MIPOL1: variants seen among roughly 807,000 people sequenced by gnomAD.
MIPOL1 encodes mirror-image polydactyly 1.
MIPOL1 carries 57 observed loss-of-function variants against 60.9 expected under a neutral mutation model. The observed-to-expected ratio is 0.94, with a 90% CI of 0.76 to 1.17. The LOEUF (loss-of-function observed/expected upper bound fraction) is 1.17, where lower values mean the gene tolerates loss of function less well. MIPOL1 is among the 50% of genes most tolerant of loss of function. The pLI is 0.00. For missense variants in MIPOL1, 551 were observed against 511.6 expected, an observed-to-expected ratio of 1.08 and a Z score of -0.74; for synonymous variants, 179 against 168.8, an observed-to-expected ratio of 1.06 and a Z score of -0.47.
intron 7 of MIPOL1, among the ~76,000 whole-genome samples, chr14:37,305,319 C>G (rs1366095892): frequency 1.3e-5 from 2 of 151,738 alleles, no homozygotes; most frequent in African/African-American, 4.8e-5. Context: ...CATCAAAGAT[C>G]TAGTCTCATT....
At chr14:37,342,638 C>T (rs1473684829) in intron 9 of MIPOL1, among the ~76,000 whole-genome samples, 1 of 151,912 alleles carries the variant, frequency 6.6e-6, no homozygotes, top group Non-Finnish European at 1.5e-5. Flanking sequence ...CCTGGTGATC[C>T]ACCCTCCTCA....
chr14:37,475,190 C>T (rs370443261), intron 11 of MIPOL1, among the ~76,000 whole-genome samples: 11 of 152,046 alleles, frequency 7.2e-5, no homozygotes, highest in East Asian at 3.9e-4. Flanking sequence ...GTCTTGAACT[C>T]CTGACCTCAA....
intron 9 of MIPOL1, among the ~76,000 whole-genome samples, chr14:37,323,599 CAA>C: frequency 6.6e-6 from 1 of 152,104 alleles, no homozygotes; most frequent in East Asian, 1.9e-4. Context: ...TATTTGCTCA[CAA>C]TTTTGATTTC....
At chr14:37,281,465 C>G (rs1053814321) in intron 6 of MIPOL1, among the ~76,000 whole-genome samples, 2 of 152,074 alleles carry the variant, frequency 1.3e-5, no homozygotes, top group African/African-American at 4.8e-5. Context: ...AATACAGTGG[C>G]ACGATCTCAG....
intron 11 of MIPOL1, among the ~76,000 whole-genome samples, chr14:37,470,024 G>T (rs575578735): frequency 2.1e-4 from 32 of 152,144 alleles, no homozygotes; most frequent in Non-Finnish European, 4.4e-4. Flanking sequence ...TAGATTGTGA[G>T]GTGAGAGATA....
intron 12 of MIPOL1, among the ~76,000 whole-genome samples, chr14:37,522,425 A>G (rs915811934): frequency 6.6e-6 from 1 of 152,186 alleles, no homozygotes; most frequent in African/African-American, 2.4e-5. Flanking sequence ...GTGTTAGTGG[A>G]CTTACTAAAT....
intron 10 of MIPOL1, among the ~76,000 whole-genome samples, chr14:37,390,857 A>AGTT (rs1252556064): frequency 6.6e-6 from 1 of 152,020 alleles, no homozygotes; most frequent in Non-Finnish European, 1.5e-5. Context: ...GACAAGCAGA[A>AGTT]GTTGACAAGA....
intron 11 of MIPOL1, among the ~76,000 whole-genome samples, chr14:37,464,323 G>A (rs1311719900): frequency 6.6e-6 from 1 of 152,136 alleles, no homozygotes; most frequent in East Asian, 1.9e-4. Context: ...GCCGTGGACT[G>A]AACCTAAGTG....
chr14:37,530,308 C>T (rs1163889503), intron 12 of MIPOL1, among the ~76,000 whole-genome samples: 1 of 152,092 alleles, frequency 6.6e-6, no homozygotes, highest in South Asian at 2.1e-4. Context: ...TTTTGTGTAA[C>T]CCTAACTTAT....
intron 7 of MIPOL1, among the ~76,000 whole-genome samples, chr14:37,288,863 G>GT (rs1464186446): frequency 3.3e-5 from 5 of 151,824 alleles, no homozygotes; most frequent in Non-Finnish European, 5.9e-5. Flanking sequence ...TTGCAGTCTC[G>GT]TTTTCATTCT....
chr14:37,421,248 C>T lies in MIPOL1; in HGVS notation c.937-1607C>T, dbSNP rs867268550. Among the ~76,000 whole-genome samples, 14 of 152,156 alleles carry T rather than the reference C, an allele frequency of 9.2e-5. No individual in the cohort carries two copies. In the Middle Eastern group the frequency reaches 0.014, roughly 148 times the overall value. ...GGTTTTGTTTTCTGTGCACAGGTAC[C>T]AAGTAAAAGACTTCAAAACAATCAT... On this transcript the variant is annotated intron_variant, in intron 10 of 12. Coordinates refer to ENST00000684589, the MANE Select transcript of MIPOL1 (RefSeq NM_001388067.1).
intron 1 of MIPOL1, among the ~76,000 whole-genome samples, chr14:37,227,345 T>C (rs1969915046): frequency 6.6e-6 from 1 of 152,166 alleles, no homozygotes; most frequent in African/African-American, 2.4e-5. Context: ...TTCAATAATT[T>C]GAATTTTTTT....
chr14:37,512,356 T>A (rs915659958), intron 12 of MIPOL1, among the ~76,000 whole-genome samples: 8 of 152,072 alleles, frequency 5.3e-5, no homozygotes, highest in Non-Finnish European at 1.2e-4. Context: ...GTTCTTAGCA[T>A]AGAGCAAACA....
intron 10 of MIPOL1, among the ~76,000 whole-genome samples, chr14:37,409,475 C>T (rs2093645802): frequency 6.6e-6 from 1 of 152,064 alleles, no homozygotes; most frequent in South Asian, 2.1e-4. Context: ...CATTGACCAT[C>T]AGATTATACA....
intron 9 of MIPOL1, among the ~76,000 whole-genome samples, chr14:37,363,363 C>G (rs771425117): frequency 1.1e-4 from 16 of 152,300 alleles, no homozygotes; most frequent in Admixed American, 6.5e-4. Context: ...TTCTAACAGT[C>G]AGGTCCCTCA....
intron 9 of MIPOL1, among the ~76,000 whole-genome samples, chr14:37,356,426 G>A (rs1046180503): frequency 9.2e-5 from 14 of 152,118 alleles, no homozygotes; most frequent in African/African-American, 3.4e-4. Flanking sequence ...GAGCTGTGGT[G>A]GGCTCCACCC....
At chr14:37,244,651 C>T (rs569057977) in intron 1 of MIPOL1, among the ~76,000 whole-genome samples, 4 of 151,382 alleles carry the variant, frequency 2.6e-5, no homozygotes, top group African/African-American at 7.3e-5. Context: ...TTAGTAATAA[C>T]GTAATCTTTA....
At chr14:37,523,045 A>G (rs994379187) in intron 12 of MIPOL1, among the ~76,000 whole-genome samples, 5 of 152,154 alleles carry the variant, frequency 3.3e-5, no homozygotes, top group Non-Finnish European at 5.9e-5. Flanking sequence ...AACAATTTAA[A>G]CACAATAAAC....
intron 6 of MIPOL1, among the ~76,000 whole-genome samples, chr14:37,285,096 C>T (rs904848156): frequency 3.3e-5 from 5 of 152,100 alleles, no homozygotes; most frequent in African/African-American, 1.2e-4. Flanking sequence ...ATTATCAGAC[C>T]TTTAAATTTT....
Sources: gnomAD v4.1 joint callset for allele counts (sites outside exome capture counted in the v4.1 genomes callset) on GRCh38, gnomAD v4.1.1 for gene constraint, MANE v1.5 for transcripts, NCBI Gene and HGNC (gene_info 2026-07-23, HGNC 2026-07-21) for gene names.